Variants in MYT1L observed in about 807,000 individuals in gnomAD.
MYT1L encodes myelin transcription factor 1 like.
In MYT1L, 12 loss-of-function variants were observed where a neutral mutation model predicts 126.7. The ratio of observed to expected loss-of-function variants is 0.09; its 90% confidence interval spans 0.06 to 0.15. MYT1L has a LOEUF of 0.15. Ranked by LOEUF, MYT1L falls within the 10% of genes least tolerant of loss-of-function variation. The pLI is 1.00. For missense variants in MYT1L, 979 were observed against 1,585.2 expected (o/e 0.62, Z 6.49); for synonymous variants, 541 against 604.2 (o/e 0.90, Z 1.53).
intron 8 of MYT1L, among the ~76,000 whole-genome samples, chr2:1,966,006 T>A (rs1451676818): frequency 1.3e-5 from 2 of 152,260 alleles, no homozygotes; most frequent in Non-Finnish European, 2.9e-5. Flanking sequence ...CGGCTCTGCC[T>A]GCTGGCTCTG....
At chr2:2,129,383 C>T (rs998790070) in intron 3 of MYT1L, among the ~76,000 whole-genome samples, 1 of 152,104 alleles carries the variant, frequency 6.6e-6, no homozygotes, top group Admixed American at 6.6e-5. Flanking sequence ...GCTATGAAAC[C>T]AGTATGGTAT....
At chr2:1,853,742 T>C (rs757327130) in intron 18 of MYT1L, among the ~76,000 whole-genome samples, 7 of 152,256 alleles carry the variant, frequency 4.6e-5, no homozygotes, top group Non-Finnish European at 8.8e-5. Context: ...ATTTAAAATT[T>C]ATTCATTTTA....
intron 21 of MYT1L, among the ~76,000 whole-genome samples, chr2:1,813,616 C>T (rs1431266479): frequency 1.3e-5 from 2 of 152,268 alleles, no homozygotes; most frequent in African/African-American, 2.4e-5. Flanking sequence ...GGAGCGCAAA[C>T]GCTACTGAGA....
chr2:2,171,994 G>C (rs1232037902), intron 3 of MYT1L, among the ~76,000 whole-genome samples: 1 of 152,128 alleles, frequency 6.6e-6, no homozygotes, highest in Non-Finnish European at 1.5e-5. Context: ...ATTTTTACCA[G>C]AATTTTCTTC....
chr2:1,943,174 C>A lies in MYT1L; in HGVS notation c.313G>T (p.Asp105Tyr). ...TCCTCGGAGTACTCCTCCCCCTCAT[C>A]CTCCTCCTTCTCATCCATGTCCTCA... ...GTEDMDEKEE[D>Y]EGEEYSEDND... Residue 105 changes from aspartate to tyrosine, a missense_variant, in exon 9 of 25, where the codon GAT becomes TAT. Transcript: ENST00000647738. The surrounding 1 kb of genome is among the most constrained non-coding windows in gnomAD (Gnocchi z 4.4). The A allele has an allele frequency of 6.5e-7, 1 of 1,550,246 alleles. No individual in the cohort carries two copies. Among genetic ancestry groups the A allele is most frequent in the Non-Finnish European group, 8.7e-7 (1 of 1,145,546 alleles).
chr2:2,201,386 A>G (rs1392210968), intron 2 of MYT1L, among the ~76,000 whole-genome samples: 1 of 152,100 alleles, frequency 6.6e-6, no homozygotes, highest in Admixed American at 6.6e-5. Flanking sequence ...TTTTGTCATT[A>G]ATGGTTAGGT....
intron 1 of MYT1L, among the ~76,000 whole-genome samples, chr2:2,304,940 G>C (rs2095839436): frequency 6.6e-6 from 1 of 152,218 alleles, no homozygotes; most frequent in Non-Finnish European, 1.5e-5. Flanking sequence ...GCCAGTTTGA[G>C]TTGAGATGTA....
chr2:2,283,013 T>C (rs560836440), intron 2 of MYT1L, among the ~76,000 whole-genome samples: 5 of 152,304 alleles, frequency 3.3e-5, no homozygotes, highest in African/African-American at 7.2e-5. Context: ...AGGGAGAGGT[T>C]ACGGTGAGCC....
intron 4 of MYT1L, among the ~76,000 whole-genome samples, chr2:2,033,589 AAG>A (rs1324919899): frequency 1.3e-5 from 2 of 152,178 alleles, no homozygotes; most frequent in Non-Finnish European, 2.9e-5. Flanking sequence ...GCAATATGTG[AAG>A]GTGAAATCAG....
intron 2 of MYT1L, among the ~76,000 whole-genome samples, chr2:2,223,694 A>G (rs907632945): frequency 2.0e-5 from 3 of 152,372 alleles, no homozygotes; most frequent in Middle Eastern, 3.4e-3. Flanking sequence ...ATTCAAAAAG[A>G]TAACTAGAAG....
At chr2:1,985,838 C>T (rs1469827949) in intron 5 of MYT1L, among the ~76,000 whole-genome samples, 3 of 152,146 alleles carry the variant, frequency 2.0e-5, no homozygotes, top group African/African-American at 7.2e-5. Flanking sequence ...TGCGACCACC[C>T]AGGATAGCAC....
intron 3 of MYT1L, among the ~76,000 whole-genome samples, chr2:2,135,114 C>A (rs1022515562): frequency 6.6e-6 from 1 of 152,214 alleles, no homozygotes. Flanking sequence ...AATAATCAAG[C>A]TATCTGTGTG....
chr2:2,118,570 G>T (rs1359536210), intron 3 of MYT1L, among the ~76,000 whole-genome samples: 1 of 152,166 alleles, frequency 6.6e-6, no homozygotes, highest in African/African-American at 2.4e-5. Context: ...TATAAATGTG[G>T]TTATGCCTTG....
chr2:2,208,203 C>T (rs2093382146), intron 2 of MYT1L, among the ~76,000 whole-genome samples: 1 of 152,142 alleles, frequency 6.6e-6, no homozygotes, highest in Non-Finnish European at 1.5e-5. Flanking sequence ...GAGCATGAGC[C>T]CTGCTGCAAA....
Position 1,804,762 on chromosome 2 carries a change from C to T in MYT1L, c.3173-2963G>A, listed in dbSNP as rs530682821. ...CCTTTTCCTTACAGCTGAATAGAAA[C>T]GTGAGTTCCCACAGTTTGGAGCTCT... On this transcript the variant is annotated intron_variant, in intron 22 of 24. Coordinates refer to ENST00000647738, the MANE Select transcript of MYT1L (RefSeq NM_001303052.2). Among the ~76,000 whole-genome samples, 31 of 152,212 alleles carry T rather than the reference C, an allele frequency of 2.0e-4. No individual in the cohort carries two copies. In the East Asian group the frequency reaches 2.9e-3, roughly 14 times the overall value.
chr2:1,822,562 A>T (rs537462330), intron 21 of MYT1L, among the ~76,000 whole-genome samples: 3 of 152,080 alleles, frequency 2.0e-5, no homozygotes, highest in African/African-American at 7.2e-5. Flanking sequence ...GACCACATGG[A>T]TCTGAGGGTG....
At chr2:1,872,408 A>C (rs944753795) in intron 18 of MYT1L, among the ~76,000 whole-genome samples, 1 of 152,224 alleles carries the variant, frequency 6.6e-6, no homozygotes, top group Non-Finnish European at 1.5e-5. Context: ...AGAATTTGGA[A>C]AGTGGTGAGG....
At chr2:1,957,390 A>G (rs1308407702) in intron 8 of MYT1L, among the ~76,000 whole-genome samples, 1 of 151,970 alleles carries the variant, frequency 6.6e-6, no homozygotes, top group African/African-American at 2.4e-5. Flanking sequence ...TGCTGTACCC[A>G]ATATGTAGTC....
intron 9 of MYT1L, among the ~76,000 whole-genome samples, chr2:1,931,740 C>T (rs2055020421): frequency 6.6e-6 from 1 of 152,224 alleles, no homozygotes; most frequent in South Asian, 2.1e-4. Context: ...TACTTATCCA[C>T]CAATAGAAGG....
Sources: gnomAD v4.1 joint callset for allele counts (sites outside exome capture counted in the v4.1 genomes callset) on GRCh38, gnomAD v4.1.1 for gene constraint, Gnocchi (gnomAD v3.1) non-coding constraint, MANE v1.5 for transcripts, NCBI Gene and HGNC (gene_info 2026-07-23, HGNC 2026-07-21) for gene names.